Variants in HCN1 observed in about 807,000 individuals in gnomAD.
HCN1 encodes potassium/sodium hyperpolarization-activated cyclic nucleotide-gated channel 1.
HCN1 carries 13 observed loss-of-function variants against 78.9 expected under a neutral mutation model. The ratio of observed to expected loss-of-function variants is 0.16; its 90% CI spans 0.11 to 0.26. The LOEUF (loss-of-function observed/expected upper bound fraction) is 0.26, where lower values mean the gene tolerates loss of function less well. HCN1 is among the 10% of genes least tolerant of loss of function. The pLI, the probability that HCN1 is intolerant of heterozygous loss-of-function variation, is 1.00. For missense variants in HCN1, 810 were observed against 1,154.3 expected, an observed-to-expected ratio of 0.70 and a Z score of 4.32; for synonymous variants, 552 against 455.5, an observed-to-expected ratio of 1.21 and a Z score of -2.70.
At chr5:45,569,819 TATCATC>T (rs956355564) in intron 2 of HCN1, among the ~76,000 whole-genome samples, 15 of 151,886 alleles carry the variant, frequency 9.9e-5, no homozygotes, top group East Asian at 5.8e-4. Flanking sequence ...GCATCATTAT[TATCATC>T]ATCATCATCA....
At chr5:45,406,458 G>T (rs1246824956) in intron 3 of HCN1, among the ~76,000 whole-genome samples, 3 of 152,048 alleles carry the variant, frequency 2.0e-5, no homozygotes, top group African/African-American at 7.2e-5. Flanking sequence ...ACTTGATATT[G>T]TTATTATGGA....
At chr5:45,288,355 A>C (rs759162092) in intron 6 of HCN1, among the ~76,000 whole-genome samples, 1 of 152,090 alleles carries the variant, frequency 6.6e-6, no homozygotes, top group Non-Finnish European at 1.5e-5. Flanking sequence ...AATACTGTGA[A>C]CTAGAATAGG....
chr5:45,340,294 TTTCTGCCTAGAAGAATAC>T (rs1452422317), intron 5 of HCN1, among the ~76,000 whole-genome samples: 1 of 152,206 alleles, frequency 6.6e-6, no homozygotes, highest in Non-Finnish European at 1.5e-5. Context: ...CCTTGAGAAT[TTTCTGCCTAGAAGAATAC>T]TTCCCATTTA....
chr5:45,564,483 G>T (rs1447387187), intron 2 of HCN1, among the ~76,000 whole-genome samples: 1 of 151,972 alleles, frequency 6.6e-6, no homozygotes, highest in Non-Finnish European at 1.5e-5. Flanking sequence ...TGATCTGCCC[G>T]CCTCGGCCTC....
intron 4 of HCN1, among the ~76,000 whole-genome samples, chr5:45,374,015 T>C (rs1747513204): frequency 8.8e-6 from 1 of 114,160 alleles, no homozygotes; most frequent in Non-Finnish European, 1.7e-5. Context: ...ATACATAATA[T>C]ATATTATATA....
At chr5:45,372,502 T>TATAAAACATTTACATATAAAAATAG (rs1747422713) in intron 4 of HCN1, among the ~76,000 whole-genome samples, 1 of 127,334 alleles carries the variant, frequency 7.9e-6, no homozygotes, top group Non-Finnish European at 1.6e-5. Flanking sequence ...TATAAAAATA[T>TATAAAACATTTACATATAAAAATAG]ATAAAACATT....
chr5:45,568,103 T>C (rs1743746277), intron 2 of HCN1, among the ~76,000 whole-genome samples: 1 of 152,144 alleles, frequency 6.6e-6, no homozygotes, highest in African/African-American at 2.4e-5. Flanking sequence ...TGTTTTTGTA[T>C]TGGCTATTTT....
intron 6 of HCN1, among the ~76,000 whole-genome samples, chr5:45,298,668 G>A (rs887997934): frequency 6.6e-6 from 1 of 151,950 alleles, no homozygotes; most frequent in African/African-American, 2.4e-5. Context: ...AATAATGAAA[G>A]AGAATAGGTA....
At chr5:45,524,982 T>C (rs1306361056) in intron 2 of HCN1, among the ~76,000 whole-genome samples, 1 of 152,122 alleles carries the variant, frequency 6.6e-6, no homozygotes, top group East Asian at 1.9e-4. Context: ...CAGTATGATA[T>C]TGGCTGTGGG....
At chr5:45,274,953 C>G (rs946805333) in intron 6 of HCN1, among the ~76,000 whole-genome samples, 9 of 152,198 alleles carry the variant, frequency 5.9e-5, no homozygotes, top group African/African-American at 2.2e-4. Context: ...GCAATGTCAT[C>G]ACTTACCAAA....
intron 2 of HCN1, among the ~76,000 whole-genome samples, chr5:45,488,652 G>A (rs1265692648): frequency 6.6e-6 from 1 of 152,102 alleles, no homozygotes; most frequent in African/African-American, 2.4e-5. Flanking sequence ...ACTTGGAAAA[G>A]TGGAAGCAAT....
rs1000371564 is a variant in HCN1, at chr5:45,367,089, T to C, written c.1231-13843A>G. ...ACTATAATGATCATTAGTAAGTACC[T>C]ACTAAAGAGTAAGGAGATGTTATTA... On this transcript the variant is annotated intron_variant, in intron 4 of 7. Transcript: ENST00000303230. Among the ~76,000 whole-genome samples the C allele has an allele frequency of 5.3e-5, 8 of 151,774 alleles. 1 individual carries two copies. The highest frequency in any genetic ancestry group is 1.9e-4 in the African/African-American group (8 of 41,408).
At chr5:45,381,818 C>G (rs1250552851) in intron 4 of HCN1, among the ~76,000 whole-genome samples, 1 of 152,126 alleles carries the variant, frequency 6.6e-6, no homozygotes, top group East Asian at 1.9e-4. Flanking sequence ...GGACCTACAC[C>G]CCACACCACA....
chr5:45,381,596 CCTTG>C (rs1747809080), intron 4 of HCN1, among the ~76,000 whole-genome samples: 1 of 152,124 alleles, frequency 6.6e-6, no homozygotes, highest in South Asian at 2.1e-4. Context: ...TCCGATGTTA[CCTTG>C]CTAAAGAGAC....
At chr5:45,451,648 T>C (rs913442191) in intron 3 of HCN1, among the ~76,000 whole-genome samples, 4 of 152,028 alleles carry the variant, frequency 2.6e-5, no homozygotes, top group South Asian at 2.1e-4. Context: ...TATAATTTCA[T>C]TGAACTCAGT....
Position 45,483,447 on chromosome 5 carries a change from G to T in HCN1, c.850-21440C>A, listed in dbSNP as rs76814380. Among the ~76,000 whole-genome samples the T allele has an allele frequency of 7.2e-3, 1,102 of 152,080 alleles. 91 individuals carry two copies. In the East Asian group the frequency reaches 0.18, roughly 25 times the overall value. The stretch of plus-strand genomic sequence containing the variant: ...TTCTTTTGAGAAGTTCATGTAGTTT[G>T]CCCATTTTTAAAATGGGGTTATTTG... On this transcript the variant is annotated intron_variant, in intron 2 of 7. Transcript: ENST00000303230.
chr5:45,635,727 GA>G (rs1182459314), intron 2 of HCN1, among the ~76,000 whole-genome samples: 2 of 152,078 alleles, frequency 1.3e-5, no homozygotes, highest in Non-Finnish European at 2.9e-5. Flanking sequence ...CAGCAAGACA[GA>G]AAAAGAAGTC....
intron 2 of HCN1, among the ~76,000 whole-genome samples, chr5:45,465,784 A>C (rs779228070): frequency 3.2e-4 from 49 of 152,102 alleles, no homozygotes; most frequent in Non-Finnish European, 5.9e-4. Context: ...ACAACTCTTT[A>C]ATCTTATTTT....
intron 5 of HCN1, among the ~76,000 whole-genome samples, chr5:45,347,620 A>C (rs1335703557): frequency 6.6e-6 from 1 of 152,182 alleles, no homozygotes; most frequent in African/African-American, 2.4e-5. Context: ...ACTTTGAAAA[A>C]AATTTAGACG....
Sources: allele counts gnomAD v4.1 joint callset (sites outside exome capture counted in the v4.1 genomes callset), GRCh38; gene constraint gnomAD v4.1.1; transcripts MANE v1.5; gene names NCBI Gene and HGNC (gene_info 2026-07-23, HGNC 2026-07-21).